ADAMTS15: variants seen among roughly 807,000 people sequenced by gnomAD.
ADAMTS15 encodes A disintegrin and metalloproteinase with thrombospondin motifs 15.
ADAMTS15 carries 35 observed loss-of-function variants against 79.1 expected under a neutral mutation model. The observed-to-expected ratio is 0.44, with a 90% confidence interval of 0.34 to 0.59. The LOEUF (loss-of-function observed/expected upper bound fraction) is 0.59, where lower values mean the gene tolerates loss of function less well. ADAMTS15 is among the 20% of genes least tolerant of loss of function. The probability of loss-of-function intolerance (pLI) is 0.02; values close to 1 mark genes in which losing one functional copy is unlikely to be tolerated. For missense variants in ADAMTS15, 1,324 were observed against 1,318.7 expected (o/e 1.00, Z -0.06); for synonymous variants, 616 against 567.3 (o/e 1.09, Z -1.22).
In ADAMTS15 at chr11:130,472,083, A is replaced by G. The variant is rs1185747363; in HGVS notation, c.2078+700A>G. The stretch of plus-strand genomic sequence containing the variant: ...CAGCTTGAGCTTCCTGAGGTCAAAC[A>G]TATGCTCCTTGGAAAGCCCTGACCC... On this transcript the variant is annotated intron_variant, in intron 7 of 7. Coordinates refer to ENST00000299164, the MANE Select transcript of ADAMTS15 (RefSeq NM_139055.4). The surrounding 1 kb of genome is among the most constrained non-coding windows in gnomAD (Gnocchi z 4.7). 6.6e-6 allele frequency among the ~76,000 whole-genome samples: 1 copy of G among 152,224 alleles called. No individual in the cohort carries two copies. Among genetic ancestry groups the G allele is most frequent in the Non-Finnish European group, 1.5e-5 (1 of 68,034 alleles).
At chr11:130,450,493 T>C in intron 1 of ADAMTS15, 2 of 962,226 alleles carry the variant, frequency 2.1e-6, no homozygotes, top group Non-Finnish European at 2.5e-6. Context: ...AGAGATTTTG[T>C]GGGTTGCAGT....
intron 5 of ADAMTS15, 119 bp from the exon 6 acceptor site, chr11:130,470,801 C>A: frequency 8.6e-7 from 1 of 1,163,892 alleles, no homozygotes; most frequent in Non-Finnish European, 1.2e-6. Context: ...GAGGTTGCAG[C>A]TTTGGTGATG....
Position 130,452,979 on chromosome 11 carries a change from C to T in ADAMTS15, c.957+3049C>T, listed in dbSNP as rs1334230670. Among the ~76,000 whole-genome samples the T allele has an allele frequency of 6.3e-5, 8 of 126,744 alleles. No homozygotes were observed. In the East Asian group the frequency reaches 1.7e-3, roughly 27 times the overall value. The allele number at this position is 126,744 out of a possible 152,430, so 83.1% of individuals were successfully genotyped here. A position where few individuals can be genotyped will look rare whatever the true frequency, so the allele number is the denominator to read the frequency against. ...CTGGTGACAGAGTGAGGCTCTGTCT[C>T]AAAAAAAAAAAAAAAAAAATTGCGG... is the stretch of plus-strand genomic sequence containing the variant. On this transcript the variant is annotated intron_variant, in intron 1 of 7. Transcript: ENST00000299164.
intron 1 of ADAMTS15, among the ~76,000 whole-genome samples, chr11:130,454,247 A>G (rs1426010008): frequency 2.0e-5 from 3 of 152,058 alleles, no homozygotes; most frequent in Non-Finnish European, 2.9e-5. Flanking sequence ...GGATCTTTGC[A>G]GTCTTTCTCT....
chr11:130,468,160 G>T (rs1259249471), intron 4 of ADAMTS15, among the ~76,000 whole-genome samples: 1 of 152,204 alleles, frequency 6.6e-6, no homozygotes, highest in African/African-American at 2.4e-5. Flanking sequence ...TTTTGCCGGG[G>T]CCAGCGTGGT....
intron 1 of ADAMTS15, among the ~76,000 whole-genome samples, chr11:130,461,217 T>G (rs1435596334): frequency 1.3e-5 from 2 of 152,062 alleles, no homozygotes; most frequent in East Asian, 3.9e-4. Context: ...CCTCCTAATT[T>G]CCTCCCAGAG....
rs575232689 is a variant in ADAMTS15, at chr11:130,462,651, C to T, written c.1413C>T (p.Thr471=). ...YMQYCTKLWC[T]GKAKGQMVCQ... ...AGTACTGCACCAAGCTGTGGTGCAC[C>T]GGGAAGGCCAAGGGACAGATGGTGT... The change falls in exon 4 of 8, where the codon ACC becomes ACT. Residue 471 remains threonine (T), a synonymous_variant. Coordinates refer to ENST00000299164, the MANE Select transcript of ADAMTS15 (RefSeq NM_139055.4). This position sits in a 1 kb window ranked among gnomAD's most constrained non-coding sequence, Gnocchi z 4.3. 5.7e-5 allele frequency: 92 copies of T among 1,613,168 alleles called. No homozygotes were observed. The highest frequency in any genetic ancestry group is 4.8e-4 in the Admixed American group (29 of 60,008).
At chr11:130,460,255 A>G (rs1432646450) in intron 1 of ADAMTS15, among the ~76,000 whole-genome samples, 1 of 150,968 alleles carries the variant, frequency 6.6e-6, no homozygotes, top group East Asian at 1.9e-4. Flanking sequence ...AACCAGCATC[A>G]CTGATTCAAC....
Position 130,472,329 on chromosome 11 carries a change from G to A in ADAMTS15, c.2079-718G>A, listed in dbSNP as rs1938476329. Among the ~76,000 whole-genome samples the A allele has an allele frequency of 6.6e-6, 1 of 152,194 alleles. No homozygotes were observed. The highest frequency in any genetic ancestry group is 1.9e-4 in the East Asian group (1 of 5,192). On this transcript the variant is annotated intron_variant, in intron 7 of 7. Coordinates refer to ENST00000299164, the MANE Select transcript of ADAMTS15 (RefSeq NM_139055.4). The surrounding 1 kb of genome is among the most constrained non-coding windows in gnomAD (Gnocchi z 4.7). ...CCCAGCCCTGTCTCTGGGAGCTCGGGCACCAGGGACGGATGGCATTCCAGG... is the reference window on the plus strand; with the variant it reads ...CCCAGCCCTGTCTCTGGGAGCTCGGACACCAGGGACGGATGGCATTCCAGG...
At chr11:130,465,381 T>C (rs2134731001) in intron 4 of ADAMTS15, among the ~76,000 whole-genome samples, 1 of 152,246 alleles carries the variant, frequency 6.6e-6, no homozygotes. Flanking sequence ...GCTGATCAAT[T>C]CTCTCTCTCC....
At chr11:130,467,390 C>T (rs567102261) in intron 4 of ADAMTS15, among the ~76,000 whole-genome samples, 7 of 152,108 alleles carry the variant, frequency 4.6e-5, no homozygotes, top group East Asian at 1.9e-4. Context: ...TGAGGTGAGG[C>T]GCTAGTTTGA....
intron 1 of ADAMTS15, among the ~76,000 whole-genome samples, chr11:130,455,612 C>G (rs921672511): frequency 1.1e-4 from 17 of 152,182 alleles, no homozygotes; most frequent in African/African-American, 4.1e-4. Context: ...TTGAGGCGGT[C>G]AGGCTGCAGG....
intron 4 of ADAMTS15, among the ~76,000 whole-genome samples, chr11:130,467,374 A>G (rs965193892): frequency 8.5e-5 from 13 of 152,212 alleles, no homozygotes; most frequent in African/African-American, 3.1e-4. Flanking sequence ...GAGTGAAAGG[A>G]TGGAATGAGG....
Position 130,462,012 on chromosome 11 carries a change from T to G in ADAMTS15, c.1091-75T>G. On this transcript the variant is annotated intron_variant, in intron 2 of 7. Transcript: ENST00000299164. This position sits in a 1 kb window ranked among gnomAD's most constrained non-coding sequence, Gnocchi z 4.3. The stretch of plus-strand genomic sequence containing the variant: ...AAACCTCTGACATGGGCTTTCTAGT[T>G]CCCCTGCCCCATTCCTCCCTCCAAC... The G allele has an allele frequency of 3.5e-6, 5 of 1,426,240 alleles. No individual in the cohort carries two copies. Among genetic ancestry groups the G allele is most frequent in the East Asian group, 2.3e-5 (1 of 43,488 alleles). The allele number at this position is 1,426,240 out of a possible 1,614,324, so 88.3% of individuals were successfully genotyped here. A position where few individuals can be genotyped will look rare whatever the true frequency, so the allele number is the denominator to read the frequency against.
chr11:130,469,585 T>C, intron 5 of ADAMTS15, 146 bp downstream of exon 5: 5 of 627,782 alleles, frequency 8.0e-6, no homozygotes, highest in Middle Eastern at 4.8e-4. Flanking sequence ...CTATCATGGA[T>C]TCCTGCTGAT....
chr11:130,462,712 A>G lies in ADAMTS15; in HGVS notation c.1474A>G (p.Ser492Gly), dbSNP rs776943467. ...TRHFPWADGT[S>G]CGEGKLCLKG... Reference sequence around the variant, plus strand: ...CCACTTCCCCTGGGCCGATGGCACCAGCTGTGGCGAGGGCAAGCTCTGCCT... The same window carrying G: ...CCACTTCCCCTGGGCCGATGGCACCGGCTGTGGCGAGGGCAAGCTCTGCCT... The change falls in exon 4 of 8, where the codon AGC becomes GGC. Residue 492 changes from serine to glycine, a missense_variant. Ser to Gly is a moderately conservative substitution (Grantham distance 56). Coordinates refer to ENST00000299164, the MANE Select transcript of ADAMTS15 (RefSeq NM_139055.4). This position sits in a 1 kb window ranked among gnomAD's most constrained non-coding sequence, Gnocchi z 4.3. The G allele has an allele frequency of 7.6e-5, 122 of 1,611,400 alleles. No homozygotes were observed. In the East Asian group the frequency reaches 8.0e-4, roughly 11 times the overall value.
chr11:130,450,109 G>C, intron 1 of ADAMTS15, 179 bp downstream of exon 1: 1 of 985,488 alleles, frequency 1.0e-6, no homozygotes, highest in Non-Finnish European at 1.2e-6. Flanking sequence ...TCCGCGGAGC[G>C]GCGGCTCACG....
Position 130,461,508 on chromosome 11 carries a change from C to A in ADAMTS15, c.977C>A (p.Thr326Asn). 6.2e-7 allele frequency: 1 copy of A among 1,614,166 alleles called. No homozygotes were observed. Among genetic ancestry groups the A allele is most frequent in the Non-Finnish European group, 8.5e-7 (1 of 1,180,042 alleles). ...FTRQDLCGAT[T>N]CDTLGMADVG... ...CGGCAGGACCTGTGTGGAGCCACCA[C>A]CTGTGACACCCTGGGCATGGCTGAT... is the stretch of plus-strand genomic sequence containing the variant. The change falls in exon 2 of 8, where the codon ACC becomes AAC. Residue 326 changes from threonine to asparagine, a missense_variant. Thr to Asn is a moderately conservative substitution (Grantham distance 65). Coordinates refer to ENST00000299164, the MANE Select transcript of ADAMTS15 (RefSeq NM_139055.4).
In ADAMTS15 at chr11:130,448,950, C is replaced by A; in HGVS notation, c.-24C>A. 1 of 1,475,990 alleles carries A rather than the reference C, an allele frequency of 6.8e-7. No individual in the cohort carries two copies. Among genetic ancestry groups the A allele is most frequent in the Non-Finnish European group, 9.0e-7 (1 of 1,113,480 alleles). 91.4% of individuals were successfully genotyped at this position (1,475,990 alleles called of 1,614,324 possible). A position where few individuals can be genotyped will look rare whatever the true frequency, so the allele number is the denominator to read the frequency against. On this transcript the variant is annotated 5_prime_UTR_variant, in exon 1 of 8. Coordinates refer to ENST00000299164, the MANE Select transcript of ADAMTS15 (RefSeq NM_139055.4). ...AGCCCGGCCCAGCCCCTTCCCACAG[C>A]GCGGCGGTGCGCTGCCCGGCGCCAT...
Sources: allele counts gnomAD v4.1 joint callset (sites outside exome capture counted in the v4.1 genomes callset), GRCh38; gene constraint gnomAD v4.1.1; non-coding constraint Gnocchi (gnomAD v3.1); transcripts MANE v1.5; gene names NCBI Gene and HGNC (gene_info 2026-07-23, HGNC 2026-07-21).